The following SPIN1 variants were observed in gnomAD, a reference collection of about 807,000 sequenced individuals.
SPIN1 encodes spindlin 1, also known as spindlin-1.
Under a neutral mutation model 26.0 loss-of-function variants are expected in SPIN1, and 3 were observed. The ratio of observed to expected loss-of-function variants is 0.12; its 90% CI spans 0.05 to 0.30. The LOEUF is 0.30. Among genes scored for constraint, SPIN1 ranks in the 10% least tolerant of loss-of-function variants. The pLI is 1.00. For missense variants in SPIN1, 126 were observed against 333.4 expected, an observed-to-expected ratio of 0.38 and a Z score of 4.84; for synonymous variants, 101 against 116.5, an observed-to-expected ratio of 0.87 and a Z score of 0.86.
At chr9:88,397,900 A>G (rs928723280) in intron 1 of SPIN1, among the ~76,000 whole-genome samples, 7 of 151,620 alleles carry the variant, frequency 4.6e-5, no homozygotes, top group Non-Finnish European at 1.0e-4. Flanking sequence ...CTGAGATTAC[A>G]GGTGTGAGCC....
intron 2 of SPIN1, among the ~76,000 whole-genome samples, chr9:88,447,498 G>A (rs1828274708): frequency 1.3e-5 from 2 of 152,154 alleles, no homozygotes; most frequent in African/African-American, 2.4e-5. Context: ...AGCACGTGCT[G>A]AGCTTTTGTT....
intron 3 of SPIN1, among the ~76,000 whole-genome samples, chr9:88,456,895 T>A (rs1254174761): frequency 6.6e-6 from 1 of 152,220 alleles, no homozygotes; most frequent in African/African-American, 2.4e-5. Flanking sequence ...TATCTTCAGA[T>A]ATCAGAAAGC....
chr9:88,450,652 G>A (rs189370682), intron 3 of SPIN1, among the ~76,000 whole-genome samples: 1 of 152,110 alleles, frequency 6.6e-6, no homozygotes, highest in Admixed American at 6.5e-5. Context: ...CCACATTTGG[G>A]GACCTTAATT....
intron 1 of SPIN1, among the ~76,000 whole-genome samples, chr9:88,419,118 T>A (rs1827626212): frequency 6.6e-6 from 1 of 152,204 alleles, no homozygotes; most frequent in Non-Finnish European, 1.5e-5. Flanking sequence ...AATATGTCAG[T>A]ATGTTCAATT....
chr9:88,411,478 GA>G (rs1324117082), intron 1 of SPIN1: 1 of 1,031,794 alleles, frequency 9.7e-7, no homozygotes, highest in African/African-American at 1.6e-5. Flanking sequence ...GCATGGAGAA[GA>G]GAGACTTTAA....
chr9:88,420,271 A>G (rs1403108049), intron 1 of SPIN1, among the ~76,000 whole-genome samples: 1 of 152,224 alleles, frequency 6.6e-6, no homozygotes, highest in Non-Finnish European at 1.5e-5. Context: ...GCTCCTCGGA[A>G]GGCTTAGGCA....
chr9:88,403,073 T>C (rs1827224784), intron 1 of SPIN1, among the ~76,000 whole-genome samples: 1 of 152,242 alleles, frequency 6.6e-6, no homozygotes. Flanking sequence ...TTTTTTCATA[T>C]ATCATTTGGC....
At chr9:88,459,048 A>G (rs1828527619) in intron 3 of SPIN1, among the ~76,000 whole-genome samples, 1 of 152,134 alleles carries the variant, frequency 6.6e-6, no homozygotes, top group Admixed American at 6.5e-5. Context: ...ATGGGTGAAG[A>G]TGCTGTATTT....
chr9:88,419,666 A>T (rs890797207), intron 1 of SPIN1, among the ~76,000 whole-genome samples: 4 of 152,252 alleles, frequency 2.6e-5, no homozygotes, highest in African/African-American at 9.6e-5. Context: ...GAACTGAAAT[A>T]AAAGTTCAAA....
chr9:88,425,720 A>C (rs1827752512), intron 1 of SPIN1, among the ~76,000 whole-genome samples: 1 of 151,512 alleles, frequency 6.6e-6, no homozygotes, highest in East Asian at 1.9e-4. Flanking sequence ...TGACTTTGGC[A>C]TTTGCATGGG....
intron 1 of SPIN1, among the ~76,000 whole-genome samples, chr9:88,389,720 C>G (rs1389081660): frequency 6.6e-6 from 1 of 152,190 alleles, no homozygotes; most frequent in African/African-American, 2.4e-5. Context: ...AACTTTTTTT[C>G]TATTGGAATT....
chr9:88,446,194 C>T (rs1828247548), intron 2 of SPIN1, among the ~76,000 whole-genome samples: 1 of 151,984 alleles, frequency 6.6e-6, no homozygotes, highest in Non-Finnish European at 1.5e-5. Flanking sequence ...ATTATTATAG[C>T]TTTTTAATTA....
chr9:88,396,077 C>T (rs528678083), intron 1 of SPIN1, among the ~76,000 whole-genome samples: 3 of 149,434 alleles, frequency 2.0e-5, no homozygotes, highest in African/African-American at 4.9e-5. Context: ...CAAAAAAACC[C>T]GTCTCTACTA....
chr9:88,427,040 G>T lies in SPIN1; in HGVS notation c.52+449G>T, dbSNP rs191730230. Among the ~76,000 whole-genome samples, 280 of 152,210 alleles carry T rather than the reference G, an allele frequency of 1.8e-3. 9 individuals are homozygous for T. The South Asian group carries it at 0.046, about 25-fold the overall frequency. On this transcript the variant is annotated intron_variant, in intron 2 of 5. Coordinates refer to ENST00000375859, the MANE Select transcript of SPIN1 (RefSeq NM_006717.3). ...AATTACATTCATTCTTATTTTTGTG[G>T]CACATAGCTAGTATAACTTGAATAG...
intron 1 of SPIN1, among the ~76,000 whole-genome samples, chr9:88,413,768 A>G (rs781382889): frequency 4.6e-5 from 7 of 152,138 alleles, no homozygotes; most frequent in African/African-American, 1.4e-4. Flanking sequence ...TTATATATTC[A>G]TCAACAAATA....
In SPIN1 at chr9:88,475,414, T is replaced by G. The variant is rs968668134; in HGVS notation, c.*137T>G. 1 of 835,122 alleles carries G rather than the reference T, an allele frequency of 1.2e-6. No homozygotes were observed. Among genetic ancestry groups the G allele is most frequent in the Non-Finnish European group, 1.9e-6 (1 of 537,370 alleles). The allele number at this position is 835,122 out of a possible 1,614,324, so 51.7% of individuals were successfully genotyped here. On this transcript the variant is annotated 3_prime_UTR_variant, in exon 6 of 6. Transcript: ENST00000375859. The stretch of plus-strand genomic sequence containing the variant: ...ACAATCTCTGCCAGCAGAACTGGTT[T>G]TGTTCTGAATAGTACAGATTGATGT...
At position 88,410,869 on chromosome 9, in the gene SPIN1, A is replaced by C. The variant is rs973457424; in HGVS notation, c.-158-15513A>C. 2.4e-5 allele frequency: 23 copies of C among 943,380 alleles called. No individual in the cohort carries two copies. The African/African-American group carries it at 2.7e-4, about 11-fold the overall frequency. 58.4% of individuals were successfully genotyped at this position (943,380 alleles called of 1,614,324 possible). A position where few individuals can be genotyped will look rare whatever the true frequency, so the allele number is the denominator to read the frequency against. On this transcript the variant is annotated intron_variant, in intron 1 of 5. Transcript: ENST00000375859. ...ACCTCCACGACCACCACGTTTCCAG[A>C]ATCACTTAGCTTCTTTGGCTGGATG...
At chr9:88,430,398 T>A (rs576872884) in intron 2 of SPIN1, among the ~76,000 whole-genome samples, 1 of 152,228 alleles carries the variant, frequency 6.6e-6, no homozygotes, top group African/African-American at 2.4e-5. Context: ...TTGGAACTTA[T>A]ACAGGTTCAC....
intron 4 of SPIN1, among the ~76,000 whole-genome samples, chr9:88,466,879 G>T (rs1221533158): frequency 6.6e-6 from 1 of 152,080 alleles, no homozygotes; most frequent in Admixed American, 6.5e-5. Flanking sequence ...GGGACTACAG[G>T]CCTGCACTGC....
Sources: allele counts gnomAD v4.1 joint callset (sites outside exome capture counted in the v4.1 genomes callset), GRCh38; gene constraint gnomAD v4.1.1; transcripts MANE v1.5; gene names NCBI Gene and HGNC (gene_info 2026-07-23, HGNC 2026-07-21).